The following LGR6 variants were observed in gnomAD, a reference collection of about 807,000 sequenced individuals.
LGR6 encodes leucine-rich repeat-containing G protein-coupled receptor 6.
In LGR6, 45 loss-of-function variants were observed where a neutral mutation model predicts 69.4. That is an observed-to-expected ratio of 0.65 (90% CI 0.51 to 0.83). The LOEUF (loss-of-function observed/expected upper bound fraction) is 0.83. Among genes scored for constraint, LGR6 ranks in the 40% least tolerant of loss-of-function variants. The pLI, the probability that LGR6 is intolerant of heterozygous loss-of-function variation, is 0.00. For missense variants in LGR6, 1,108 were observed against 1,246.7 expected, an observed-to-expected ratio of 0.89 and a Z score of 1.68; for synonymous variants, 538 against 555.0, an observed-to-expected ratio of 0.97 and a Z score of 0.43.
At chr1:202,262,570 G>A (rs945145456) in intron 4 of LGR6, among the ~76,000 whole-genome samples, 4 of 152,068 alleles carry the variant, frequency 2.6e-5, no homozygotes, top group East Asian at 1.9e-4. Flanking sequence ...TTGGCAATGC[G>A]GGCTCTTTTT....
intron 4 of LGR6, among the ~76,000 whole-genome samples, chr1:202,239,698 C>G (rs1662005484): frequency 6.6e-6 from 1 of 152,100 alleles, no homozygotes; most frequent in South Asian, 2.1e-4. Context: ...AGCAGACAAA[C>G]TAGAAATATC....
At chr1:202,257,458 A>C (rs1423516619) in intron 4 of LGR6, among the ~76,000 whole-genome samples, 1 of 152,152 alleles carries the variant, frequency 6.6e-6, no homozygotes, top group Admixed American at 6.5e-5. Context: ...TTAATTTTTG[A>C]ATATGGTTCA....
chr1:202,196,721 G>T (rs1260356806), intron 1 of LGR6, among the ~76,000 whole-genome samples: 1 of 152,210 alleles, frequency 6.6e-6, no homozygotes, highest in African/African-American at 2.4e-5. Context: ...GTATTATCAT[G>T]CCTCCTATGG....
chr1:202,240,390 AC>A (rs1300795589), intron 4 of LGR6, among the ~76,000 whole-genome samples: 1 of 151,152 alleles, frequency 6.6e-6, no homozygotes, highest in Non-Finnish European at 1.5e-5. Context: ...AAAAAAAAAA[AC>A]GACATGAAAG....
intron 1 of LGR6, among the ~76,000 whole-genome samples, chr1:202,196,819 A>T (rs1338313646): frequency 6.6e-6 from 1 of 152,044 alleles, no homozygotes; most frequent in Non-Finnish European, 1.5e-5. Flanking sequence ...ATTCAAGGGA[A>T]TGGTTTGTGG....
chr1:202,216,068 C>T (rs543480218), intron 1 of LGR6, among the ~76,000 whole-genome samples: 17 of 152,322 alleles, frequency 1.1e-4, no homozygotes, highest in African/African-American at 4.1e-4. Context: ...TGTGATTGGA[C>T]TTTGCCGCTT....
intron 1 of LGR6, among the ~76,000 whole-genome samples, chr1:202,203,127 A>T (rs771488443): frequency 2.6e-5 from 4 of 152,166 alleles, no homozygotes; most frequent in Non-Finnish European, 5.9e-5. Context: ...ATGTGGGTGA[A>T]CCAGGAAAAT....
chr1:202,248,545 C>T (rs186116392), intron 4 of LGR6, among the ~76,000 whole-genome samples: 31 of 152,314 alleles, frequency 2.0e-4, no homozygotes, highest in African/African-American at 6.3e-4. Flanking sequence ...CTCCCTTAAA[C>T]GACTCTAGCA....
Position 202,313,410 on chromosome 1 carries a change from C to A in LGR6, c.1568-1392C>A, listed in dbSNP as rs138025811. On this transcript the variant is annotated intron_variant, in intron 16 of 17. Transcript: ENST00000367278. Reference sequence around the variant, plus strand: ...TAAATCTCCTGAACCCTCCCCACCCCCTGACCCCCCAAAGTAATCAGTCCC... The same window carrying A: ...TAAATCTCCTGAACCCTCCCCACCCACTGACCCCCCAAAGTAATCAGTCCC... Among the ~76,000 whole-genome samples the A allele has an allele frequency of 3.0e-3, 459 of 152,244 alleles. 2 individuals carry two copies. Among genetic ancestry groups the A allele is most frequent in the African/African-American group, 0.011 (438 of 41,540 alleles).
intron 6 of LGR6, among the ~76,000 whole-genome samples, chr1:202,296,679 G>A (rs984246044): frequency 6.6e-6 from 1 of 152,252 alleles, no homozygotes; most frequent in Non-Finnish European, 1.5e-5. Flanking sequence ...AGAGTTGATG[G>A]AGTGAAGCTG....
intron 1 of LGR6, among the ~76,000 whole-genome samples, chr1:202,199,492 G>A (rs1043457194): frequency 6.6e-6 from 1 of 152,222 alleles, no homozygotes; most frequent in Non-Finnish European, 1.5e-5. Context: ...GCAGCAGCGG[G>A]CATGGGGCGC....
intron 4 of LGR6, among the ~76,000 whole-genome samples, chr1:202,274,688 G>A (rs2148155834): frequency 6.6e-6 from 1 of 152,328 alleles, no homozygotes; most frequent in Admixed American, 6.5e-5. Context: ...TGATGCTGGG[G>A]CTGATGGTCC....
At chr1:202,242,116 T>A (rs1298819156) in intron 4 of LGR6, among the ~76,000 whole-genome samples, 1 of 152,182 alleles carries the variant, frequency 6.6e-6, no homozygotes, top group Non-Finnish European at 1.5e-5. Context: ...TGGCTCCCTC[T>A]TAGCACATTT....
chr1:202,262,386 A>G (rs1253075994), intron 4 of LGR6, among the ~76,000 whole-genome samples: 1 of 152,140 alleles, frequency 6.6e-6, no homozygotes, highest in Non-Finnish European at 1.5e-5. Context: ...TTTGTCAAAG[A>G]TCAGATAGTT....
intron 1 of LGR6, chr1:202,196,949 G>C (rs1658662535): frequency 2.0e-6 from 1 of 503,282 alleles, no homozygotes; most frequent in African/African-American, 2.0e-5. Flanking sequence ...TTGGGGATCG[G>C]GAGGGAGAGT....
intron 6 of LGR6, among the ~76,000 whole-genome samples, chr1:202,282,153 C>T (rs1490677082): frequency 6.6e-6 from 1 of 152,156 alleles, no homozygotes; most frequent in Non-Finnish European, 1.5e-5. Flanking sequence ...GGGACATGCC[C>T]CAGCCTGGAG....
At position 202,304,628 on chromosome 1, in the gene LGR6, C is replaced by T; in HGVS notation, c.1068C>T (p.Val356=). Residue 356 remains valine (V), a splice_region_variant and synonymous_variant, in exon 11 of 18, where the codon GTC becomes GTT. Coordinates refer to ENST00000367278, the MANE Select transcript of LGR6 (RefSeq NM_001017403.2). ...GMCQQLPRLR[V]LELSHNQIEE... ...GCCAACAGCTGCCCAGGCTCCGAGT[C>T]CTGTGAGTGCTCACAAGAATTCTAC... 1 of 1,607,710 alleles carries T rather than the reference C, an allele frequency of 6.2e-7. No individual in the cohort carries two copies. The highest frequency in any genetic ancestry group is 8.5e-7 in the Non-Finnish European group (1 of 1,175,158).
intron 4 of LGR6, among the ~76,000 whole-genome samples, chr1:202,240,646 G>T (rs985998969): frequency 1.3e-5 from 2 of 152,126 alleles, no homozygotes; most frequent in African/African-American, 4.8e-5. Flanking sequence ...CTAAGTGTTT[G>T]GAAATTGGGA....
At chr1:202,230,430 G>C (rs1175477714) in intron 3 of LGR6, among the ~76,000 whole-genome samples, 1 of 152,204 alleles carries the variant, frequency 6.6e-6, no homozygotes, top group African/African-American at 2.4e-5. Flanking sequence ...TGTAGAGCTG[G>C]CAAGGCCCAG....
Sources: allele counts gnomAD v4.1 joint callset (sites outside exome capture counted in the v4.1 genomes callset), GRCh38; gene constraint gnomAD v4.1.1; transcripts MANE v1.5; gene names NCBI Gene and HGNC (gene_info 2026-07-23, HGNC 2026-07-21).